SPATC1: variants seen among roughly 807,000 people sequenced by gnomAD.
SPATC1 encodes speriolin.
Under a neutral mutation model 36.5 loss-of-function variants are expected in SPATC1, and 35 were observed. The observed-to-expected ratio is 0.96, with a 90% CI of 0.73 to 1.27. SPATC1 has a LOEUF of 1.27. Ranked by LOEUF, SPATC1 falls within the 50% of genes most tolerant of loss-of-function variation. The probability of loss-of-function intolerance (pLI) is 0.00; values close to 1 mark genes in which losing one functional copy is unlikely to be tolerated. For synonymous variants in SPATC1, 361 were observed against 353.6 expected (o/e 1.02, Z -0.24); for missense variants, 779 against 796.0 (o/e 0.98, Z 0.26).
At chr8:144,021,275 C>CCCCTCAGGACCCTCCCA (rs1834526212) in intron 1 of SPATC1, among the ~76,000 whole-genome samples, 1 of 143,960 alleles carries the variant, frequency 6.9e-6, no homozygotes, top group Non-Finnish European at 1.5e-5. Flanking sequence ...GGACCCCCTT[C>CCCCTCAGGACCCTCCCA]CCTCAGGTCC....
intron 1 of SPATC1, among the ~76,000 whole-genome samples, chr8:144,020,690 T>A (rs1834501136): frequency 1.8e-4 from 1 of 5,434 alleles, no homozygotes; most frequent in African/African-American, 6.9e-4. Context: ...CTCGCACCCC[T>A]CTTCCCTCAG....
At chr8:144,020,629 C>T (rs1314118567) in intron 1 of SPATC1, among the ~76,000 whole-genome samples, 306 of 2,524 alleles carry the variant, frequency 0.12, no homozygotes, top group Middle Eastern at 0.25. Flanking sequence ...CAGGACCCTC[C>T]TCCCTGAGTA....
chr8:144,015,868 G>C (rs1321033562), intron 1 of SPATC1, among the ~76,000 whole-genome samples: 1 of 151,728 alleles, frequency 6.6e-6, no homozygotes, highest in Non-Finnish European at 1.5e-5. Context: ...GACCATCCTA[G>C]CAAACACAGT....
rs1835247250 is a variant in SPATC1 at position 144,045,916 on chromosome 8, CG to C, written c.1447-708del. On this transcript the variant is annotated intron_variant, in intron 4 of 4. Coordinates refer to ENST00000377470, the MANE Select transcript of SPATC1 (RefSeq NM_198572.3). This position sits in a 1 kb window ranked among gnomAD's most constrained non-coding sequence, Gnocchi z 5.2. ...GCCTTCATGATTACATGCCTTAGGG[CG>C]GGAGCCAGTCACTGCCTGGCTGGTG... Among the ~76,000 whole-genome samples, 1 of 152,190 alleles carries C rather than the reference CG, an allele frequency of 6.6e-6. No individual in the cohort carries two copies.
Position 144,041,052 on chromosome 8 carries a change from G to A in SPATC1, c.1251G>A (p.Glu417=). The change falls in exon 3 of 5, where the codon GAG becomes GAA. Residue 417 remains glutamate (E), a synonymous_variant. Transcript: ENST00000377470. ...AACCGTCGACGAAGAGCATGATGGA[G>A]GTGGAACGGAAGCTGGCCCACCGCA... The part of the protein sequence containing the change: ...TTEPSTKSMM[E]VERKLAHRKT... 1 of 1,605,186 alleles carries A rather than the reference G, an allele frequency of 6.2e-7. No individual in the cohort carries two copies. Among genetic ancestry groups the A allele is most frequent in the Non-Finnish European group, 8.5e-7 (1 of 1,176,098 alleles).
intron 4 of SPATC1, among the ~76,000 whole-genome samples, chr8:144,043,076 T>TC (rs1835159529): frequency 6.7e-6 from 1 of 148,722 alleles, no homozygotes. Flanking sequence ...CACTGCAGCC[T>TC]CCGCCACCTG....
At chr8:144,020,863 A>C (rs1453937086) in intron 1 of SPATC1, among the ~76,000 whole-genome samples, 6 of 33,124 alleles carry the variant, frequency 1.8e-4, no homozygotes, top group South Asian at 1.1e-3. Context: ...TCTCCCCTCA[A>C]AACTCTCTTC....
intron 1 of SPATC1, among the ~76,000 whole-genome samples, chr8:144,037,443 A>G (rs1470081897): frequency 6.6e-6 from 1 of 152,006 alleles, no homozygotes; most frequent in Non-Finnish European, 1.5e-5. Context: ...AGAGGTAGAC[A>G]TGGGAGACTT....
intron 1 of SPATC1, among the ~76,000 whole-genome samples, chr8:144,031,378 CT>C (rs1168456691): frequency 2.0e-5 from 3 of 151,400 alleles, no homozygotes; most frequent in Admixed American, 6.6e-5. Context: ...GAAAATTTTG[CT>C]GTTAATCTTA....
At position 144,046,723 on chromosome 8, in the gene SPATC1, G is replaced by A. The variant is rs1835273261; in HGVS notation, c.1543G>A (p.Gly515Ser). The A allele has an allele frequency of 6.2e-7, 1 of 1,612,414 alleles. No homozygotes were observed. The change falls in exon 5 of 5, where the codon GGC becomes AGC. Residue 515 changes from glycine (G) to serine (S), a missense_variant. By Grantham distance (56) the Gly-to-Ser change is moderately conservative (BLOSUM62 0). Transcript: ENST00000377470. The surrounding 1 kb of genome is among the most constrained non-coding windows in gnomAD (Gnocchi z 6.6). ...VSVMNRLQSL[G>S]YNGRVHPALT... ...CGTCATGAACAGGCTGCAGAGTCTG[G>A]GCTACAACGGGCGGGTGCACCCTGC...
intron 4 of SPATC1, among the ~76,000 whole-genome samples, chr8:144,043,341 G>A (rs1207503756): frequency 6.6e-6 from 1 of 151,104 alleles, no homozygotes; most frequent in African/African-American, 2.4e-5. Flanking sequence ...GAGTGCAGAG[G>A]CCAGATCTTG....
Position 144,040,580 on chromosome 8 carries a change from C to A in SPATC1, c.779C>A (p.Thr260Asn), listed in dbSNP as rs782400666. 6.3e-7 allele frequency: 1 copy of A among 1,594,072 alleles called. No homozygotes were observed. The highest frequency in any genetic ancestry group is 8.5e-7 in the Non-Finnish European group (1 of 1,170,362). The change falls in exon 3 of 5, where the codon ACT becomes AAT. Residue 260 changes from threonine to asparagine, a missense_variant. Coordinates refer to ENST00000377470, the MANE Select transcript of SPATC1 (RefSeq NM_198572.3). ...PTATTKVPLS[T>N]EPPQSTQDPE... is the part of the protein sequence containing the mutation. The stretch of plus-strand genomic sequence containing the variant: ...TCCACATCACTAGTCCCACTCTCCA[C>A]TGAGCCCCCCCAGTCGACCCAGGAC...
chr8:144,044,289 C>G (rs1005289789), intron 4 of SPATC1, among the ~76,000 whole-genome samples: 3 of 144,108 alleles, frequency 2.1e-5, no homozygotes, highest in Admixed American at 6.9e-5. Flanking sequence ...CCTGCCTTCC[C>G]TATTCCTTGA....
In SPATC1 at chr8:144,040,647, G is replaced by A; in HGVS notation, c.846G>A (p.Gln282=). The change falls in exon 3 of 5, where the codon CAG becomes CAA. Residue 282 remains glutamine, a synonymous_variant. Coordinates refer to ENST00000377470, the MANE Select transcript of SPATC1 (RefSeq NM_198572.3). The stretch of plus-strand genomic sequence containing the variant: ...TGGCGTTTGCAGGAGCACCCCTCCA[G>A]ACCTCCACCCCTATCGGAGCCATGG... ...LSMAFAGAPL[Q]TSTPIGAMGT... 6.2e-7 allele frequency: 1 copy of A among 1,612,884 alleles called. No homozygotes were observed. Among genetic ancestry groups the A allele is most frequent in the Non-Finnish European group, 8.5e-7 (1 of 1,179,748 alleles).
At chr8:144,020,690 T>TCCC (rs1834501236) in intron 1 of SPATC1, among the ~76,000 whole-genome samples, 1 of 5,434 alleles carries the variant, frequency 1.8e-4, no homozygotes. Flanking sequence ...CTCGCACCCC[T>TCCC]CTTCCCTCAG....
intron 1 of SPATC1, among the ~76,000 whole-genome samples, chr8:144,034,405 C>T (rs1266103179): frequency 8.1e-6 from 1 of 123,886 alleles, no homozygotes; most frequent in Non-Finnish European, 1.6e-5. Flanking sequence ...GGCAGAAATG[C>T]ATTTTTTTTT....
chr8:144,016,154 G>C lies in SPATC1; in HGVS notation c.211+3428G>C, dbSNP rs1246457053. Among the ~76,000 whole-genome samples, 2 of 152,006 alleles carry C rather than the reference G, an allele frequency of 1.3e-5. No homozygotes were observed. The highest frequency in any genetic ancestry group is 4.8e-5 in the African/African-American group (2 of 41,382). On this transcript the variant is annotated intron_variant, in intron 1 of 4. Coordinates refer to ENST00000377470, the MANE Select transcript of SPATC1 (RefSeq NM_198572.3). This position sits in a 1 kb window ranked among gnomAD's most constrained non-coding sequence, Gnocchi z 4.5. ...GCCTGTAATCCCAGCTACTTGGGAG[G>C]CTGAGGCAGGAGAATCGCTTGAACT...
In SPATC1 at chr8:144,037,857, T is replaced by G. The variant is rs531556837; in HGVS notation, c.212-2052T>G. Among the ~76,000 whole-genome samples the G allele has an allele frequency of 5.7e-4, 86 of 149,762 alleles. 1 individual carries two copies. The highest frequency in any genetic ancestry group is 1.7e-3 in the African/African-American group (68 of 40,698). On this transcript the variant is annotated intron_variant, in intron 1 of 4. Transcript: ENST00000377470. ...AAAAAAGAATGAATTTTGGCCGGGC[T>G]CGGTGGCCACGCCTGTAATCCCAGC...
intron 4 of SPATC1, among the ~76,000 whole-genome samples, chr8:144,043,338 G>A (rs1488355111): frequency 2.7e-5 from 4 of 150,504 alleles, no homozygotes; most frequent in Non-Finnish European, 4.4e-5. Flanking sequence ...CTAGAGTGCA[G>A]AGGCCAGATC....
Sources: gnomAD v4.1 joint callset for allele counts (sites outside exome capture counted in the v4.1 genomes callset) on GRCh38, gnomAD v4.1.1 for gene constraint, Gnocchi (gnomAD v3.1) non-coding constraint, MANE v1.5 for transcripts, NCBI Gene and HGNC (gene_info 2026-07-23, HGNC 2026-07-21) for gene names.